The following RASGRF2 variants were observed in gnomAD, a reference collection of about 807,000 sequenced individuals.
RASGRF2 encodes the protein Ras protein specific guanine nucleotide releasing factor 2.
A neutral mutation model predicts 151.0 loss-of-function variants in RASGRF2; 76 were observed. The ratio of observed to expected loss-of-function variants is 0.50; its 90% CI spans 0.42 to 0.61. RASGRF2 has a LOEUF of 0.61. RASGRF2 is among the 20% of genes least tolerant of loss of function. The pLI is 0.00. For missense variants in RASGRF2, 1,148 were observed against 1,564.6 expected, an observed-to-expected ratio of 0.73 and a Z score of 4.49; for synonymous variants, 504 against 566.5, an observed-to-expected ratio of 0.89 and a Z score of 1.57.
At position 81,217,423 on chromosome 5, in the gene RASGRF2, A is replaced by G; in HGVS notation, c.3502A>G (p.Thr1168Ala). 6.2e-7 allele frequency: 1 copy of G among 1,613,574 alleles called. No individual in the cohort carries two copies. ...LTDLAFIEEG[T>A]PNFTEEGLVN... ...AGACCTGGCATTTATTGAAGAAGGA[A>G]CACCAAACTTTACTGAGGAAGGCCT... Residue 1168 changes from threonine to alanine, a missense_variant, in exon 25 of 27, where the codon ACA becomes GCA. Thr to Ala is a moderately conservative substitution (Grantham distance 58). Transcript: ENST00000265080.
At chr5:80,995,781 C>T (rs1294216584) in intron 1 of RASGRF2, among the ~76,000 whole-genome samples, 2 of 148,636 alleles carry the variant, frequency 1.3e-5, no homozygotes, top group Non-Finnish European at 3.0e-5. Flanking sequence ...CAACCTGCGC[C>T]TCCCGGGTTC....
intron 15 of RASGRF2, among the ~76,000 whole-genome samples, chr5:81,116,999 T>C (rs1580331880): frequency 3.3e-5 from 5 of 152,338 alleles, no homozygotes; most frequent in Admixed American, 3.3e-4. Flanking sequence ...GCAATGAATA[T>C]GGTGTGCAAA....
chr5:81,104,705 A>G (rs13170314), intron 12 of RASGRF2, among the ~76,000 whole-genome samples: 8,049 of 152,256 alleles, frequency 0.053, 245 homozygotes, highest in South Asian at 0.057. Context: ...TAGCTGATCA[A>G]AAATGTCTCA....
intron 5 of RASGRF2, among the ~76,000 whole-genome samples, 197 bp downstream of exon 5, chr5:81,073,649 T>C (rs1310197693): frequency 6.6e-6 from 1 of 152,112 alleles, no homozygotes; most frequent in Non-Finnish European, 1.5e-5. Flanking sequence ...GATGGAGTCT[T>C]GCTCTGTCGC....
intron 1 of RASGRF2, among the ~76,000 whole-genome samples, chr5:81,003,007 C>T (rs1749126392): frequency 6.6e-6 from 1 of 151,994 alleles, no homozygotes; most frequent in Admixed American, 6.6e-5. Flanking sequence ...TAATTATTTG[C>T]CAGAAGAGGG....
chr5:81,123,596 T>A (rs755682167), intron 15 of RASGRF2, 46 bp from the exon 16 acceptor site: 2 of 1,593,516 alleles, frequency 1.3e-6, no homozygotes, highest in Admixed American at 3.5e-5. Context: ...CAAGAAGCTC[T>A]TGAATTCATG....
chr5:81,055,237 C>T (rs1347945092), intron 2 of RASGRF2, among the ~76,000 whole-genome samples: 1 of 152,140 alleles, frequency 6.6e-6, no homozygotes, highest in African/African-American at 2.4e-5. Flanking sequence ...AGGTTTTGCC[C>T]ATTCAGTATG....
rs1751671077 is a variant in RASGRF2 at position 81,068,302 on chromosome 5, A to C, written c.543+123A>C. ...GGCTGACTTCCTCTGACATCAACAC[A>C]TACGTGGCTGGGCCTGACCTAGACA... On this transcript the variant is annotated intron_variant, in intron 3 of 26. Transcript: ENST00000265080. 45 of 1,150,314 alleles carry C rather than the reference A, an allele frequency of 3.9e-5. 2 individuals are homozygous for C. The South Asian group carries it at 7.7e-4, about 20-fold the overall frequency. The allele number at this position is 1,150,314 out of a possible 1,614,324, so 71.3% of individuals were successfully genotyped here. A position where few individuals can be genotyped will look rare whatever the true frequency, so the allele number is the denominator to read the frequency against.
chr5:81,161,950 A>G (rs543396971), intron 17 of RASGRF2, among the ~76,000 whole-genome samples: 81 of 150,070 alleles, frequency 5.4e-4, no homozygotes, highest in African/African-American at 1.9e-3. Context: ...GATCCCTTGT[A>G]GTAATTGGTT....
At chr5:81,055,867 A>G (rs1453389815) in intron 2 of RASGRF2, among the ~76,000 whole-genome samples, 4 of 152,156 alleles carry the variant, frequency 2.6e-5, no homozygotes, top group Non-Finnish European at 5.9e-5. Flanking sequence ...GGGAGGGTGT[A>G]TGTGTCCAGG....
chr5:81,004,089 A>G (rs1461798354), intron 1 of RASGRF2, among the ~76,000 whole-genome samples: 1 of 152,232 alleles, frequency 6.6e-6, no homozygotes, highest in Non-Finnish European at 1.5e-5. Flanking sequence ...TGTTGTTGAT[A>G]CGTGAACTGG....
chr5:81,217,683 A>C (rs1464348235), intron 25 of RASGRF2, among the ~76,000 whole-genome samples: 1 of 143,372 alleles, frequency 7.0e-6, no homozygotes, highest in Admixed American at 7.3e-5. Context: ...GGTTCAATCA[A>C]TTCTCTTGCC....
In RASGRF2 at chr5:81,112,719, C is replaced by T. The variant is rs759128868; in HGVS notation, c.1948C>T (p.Arg650Ter). ...RYASVERLLE[R>*]LTDLRFLSID... is the part of the protein sequence containing the mutation. ...TGCCAGCGTGGAGCGCCTCTTGGAACGACTGACAGACTTGCGGTTTCTTAG... is the reference window on the plus strand; with the variant it reads ...TGCCAGCGTGGAGCGCCTCTTGGAATGACTGACAGACTTGCGGTTTCTTAG... The change falls in exon 14 of 27, where the codon CGA (arginine) becomes TGA (stop). Residue 650 changes from arginine (R) to a stop codon, truncating the protein, a stop_gained. Transcript: ENST00000265080. LOFTEE classifies it high-confidence loss of function. The T allele has an allele frequency of 5.0e-6, 8 of 1,614,218 alleles. No homozygotes were observed. The highest frequency in any genetic ancestry group is 1.1e-5 in the South Asian group (1 of 91,082).
intron 4 of RASGRF2, among the ~76,000 whole-genome samples, chr5:81,071,106 G>C (rs1369654310): frequency 1.3e-5 from 2 of 151,956 alleles, no homozygotes; most frequent in Non-Finnish European, 2.9e-5. Context: ...CCAAATGCTG[G>C]CTCTCGCTCT....
At position 81,103,393 on chromosome 5, in the gene RASGRF2, A is replaced by T. The variant is rs558869267; in HGVS notation, c.1756-5603A>T. Among the ~76,000 whole-genome samples the T allele has an allele frequency of 2.2e-3, 338 of 152,162 alleles. 2 individuals carry two copies. Among genetic ancestry groups the T allele is most frequent in the African/African-American group, 7.9e-3 (327 of 41,526 alleles). On this transcript the variant is annotated intron_variant, in intron 12 of 26. Coordinates refer to ENST00000265080, the MANE Select transcript of RASGRF2 (RefSeq NM_006909.3). ...AGAATATAGATTCTATATTCTAGGA[A>T]ATTACCTCAAATACAGCAAAGAGGG...
intron 26 of RASGRF2, among the ~76,000 whole-genome samples, 173 bp from the exon 27 acceptor site, chr5:81,225,505 A>G (rs921303380): frequency 7.1e-6 from 1 of 141,098 alleles, no homozygotes; most frequent in Admixed American, 7.7e-5. Flanking sequence ...AGGACTAGAG[A>G]TGTTCACCTT....
At chr5:81,076,576 G>A (rs946518925) in intron 5 of RASGRF2, among the ~76,000 whole-genome samples, 1 of 150,030 alleles carries the variant, frequency 6.7e-6, no homozygotes, top group African/African-American at 2.5e-5. Context: ...AAGGACATCC[G>A]CTGATGGGGC....
rs989921733 is a variant in RASGRF2 at position 81,094,206 on chromosome 5, A to T, written c.1552-90A>T. On this transcript the variant is annotated intron_variant, in intron 10 of 26. Transcript: ENST00000265080. The stretch of plus-strand genomic sequence containing the variant: ...ATGCAGAATTGCTATGCTTTCTTCC[A>T]TGGCAACTTGAATATAGTGTTTACA... 43 of 1,028,872 alleles carry T rather than the reference A, an allele frequency of 4.2e-5. No homozygotes were observed. In the African/African-American group the frequency reaches 5.2e-4, roughly 12 times the overall value. 63.7% of individuals were successfully genotyped at this position (1,028,872 alleles called of 1,614,324 possible). A position where few individuals can be genotyped will look rare whatever the true frequency, so the allele number is the denominator to read the frequency against.
chr5:80,990,572 G>C (rs1463996153), intron 1 of RASGRF2, among the ~76,000 whole-genome samples: 1 of 152,136 alleles, frequency 6.6e-6, no homozygotes, highest in East Asian at 1.9e-4. Flanking sequence ...TTTGTGGCAG[G>C]AGCCCTGTTA....
Sources: gnomAD v4.1 joint callset for allele counts (sites outside exome capture counted in the v4.1 genomes callset) on GRCh38, gnomAD v4.1.1 for gene constraint, MANE v1.5 for transcripts, NCBI Gene and HGNC (gene_info 2026-07-23, HGNC 2026-07-21) for gene names.